RIC8B: variants seen among roughly 807,000 people sequenced by gnomAD.
RIC8B encodes chaperone Ric-8B.
A neutral mutation model predicts 57.5 loss-of-function variants in RIC8B; 16 were observed. That is an observed-to-expected ratio of 0.28 (90% confidence interval 0.19 to 0.42). RIC8B has a LOEUF of 0.42. Among genes scored for constraint, RIC8B ranks in the 10% least tolerant of loss-of-function variants. RIC8B has a pLI of 1.00. For missense variants in RIC8B, 481 were observed against 677.0 expected (o/e 0.71, Z 3.21); for synonymous variants, 216 against 250.8 (o/e 0.86, Z 1.31).
At chr12:106,789,663 A>C (rs2044183978) in intron 2 of RIC8B, among the ~76,000 whole-genome samples, 1 of 152,090 alleles carries the variant, frequency 6.6e-6, no homozygotes, top group Non-Finnish European at 1.5e-5. Context: ...GATTCAAATT[A>C]TCTCTCAGCA....
chr12:106,814,843 C>T lies in RIC8B; in HGVS notation c.280C>T (p.Arg94Ter), dbSNP rs1010192033. The T allele has an allele frequency of 1.9e-6, 3 of 1,614,030 alleles. No homozygotes were observed. The highest frequency in any genetic ancestry group is 2.5e-6 in the Non-Finnish European group (3 of 1,180,002). Residue 94 changes from arginine to a stop codon, truncating the protein, a stop_gained, in exon 3 of 10, where the codon CGA becomes TGA. Transcript: ENST00000392837. LOFTEE classifies it high-confidence loss of function. Reference protein sequence around the residue: ...TTKENMQILLRLAKLNELDDS... With the variant: ...TTKENMQILL ...TAAGGAAAATATGCAGATACTGCTG[C>T]GACTAGCCAAGCTAAATGAGTTAGA...
At chr12:106,861,417 G>C (rs1265925528) in intron 8 of RIC8B, among the ~76,000 whole-genome samples, 1 of 152,064 alleles carries the variant, frequency 6.6e-6, no homozygotes, top group Admixed American at 6.6e-5. Flanking sequence ...TTCCCAATTA[G>C]ACAGGACATA....
intron 6 of RIC8B, among the ~76,000 whole-genome samples, chr12:106,850,923 C>T (rs1949442764): frequency 6.6e-6 from 1 of 151,986 alleles, no homozygotes; most frequent in African/African-American, 2.4e-5. Flanking sequence ...ATTAAGGATG[C>T]TTAATCCAGA....
In RIC8B at chr12:106,889,202, T is replaced by A. The variant is rs1951308415; in HGVS notation, c.*3187T>A. ...CCTTCCTGTATTTTTTCTATGCATA[T>A]ATAATTTATTTTACTACAAGATTGG... On this transcript the variant is annotated 3_prime_UTR_variant, in exon 10 of 10. Transcript: ENST00000392837. 1 of 152,222 alleles carries A rather than the reference T, an allele frequency of 6.6e-6. No homozygotes were observed. The highest frequency in any genetic ancestry group is 6.5e-5 in the Admixed American group (1 of 15,284). The allele number at this position is 152,222 out of a possible 1,614,324, so 9.4% of individuals were successfully genotyped here.
chr12:106,838,757 G>A (rs1214462309), intron 4 of RIC8B, among the ~76,000 whole-genome samples: 1 of 151,676 alleles, frequency 6.6e-6, no homozygotes, highest in African/African-American at 2.4e-5. Context: ...TAAGAAATGG[G>A]AGAAAGTATT....
Position 106,882,437 on chromosome 12 carries a change from A to T in RIC8B, c.1572-3467A>T, listed in dbSNP as rs906732710. 1.7e-4 allele frequency among the ~76,000 whole-genome samples: 26 copies of T among 152,130 alleles called. 1 individual carries two copies. The highest frequency in any genetic ancestry group is 1.7e-3 in the Admixed American group (26 of 15,272). On this transcript the variant is annotated intron_variant, in intron 9 of 9. Transcript: ENST00000392837. Reference sequence around the variant, plus strand: ...TTTTCACTATACCACAATAACAACGAATATTTGTTCTGTACAATTCACAAC... The same window carrying T: ...TTTTCACTATACCACAATAACAACGTATATTTGTTCTGTACAATTCACAAC...
intron 4 of RIC8B, among the ~76,000 whole-genome samples, chr12:106,836,546 T>C (rs757917997): frequency 6.0e-4 from 92 of 152,238 alleles, no homozygotes; most frequent in Non-Finnish European, 9.7e-4. Flanking sequence ...TTGCTAAGGC[T>C]AGAACTTTAG....
chr12:106,820,424 A>G (rs2045786358), intron 3 of RIC8B, among the ~76,000 whole-genome samples: 1 of 152,196 alleles, frequency 6.6e-6, no homozygotes, highest in South Asian at 2.1e-4. Context: ...CAATTGATTT[A>G]TTTAGCAGGA....
chr12:106,878,824 TC>T (rs34359253), intron 9 of RIC8B, among the ~76,000 whole-genome samples: 104 of 150,228 alleles, frequency 6.9e-4, no homozygotes, highest in Admixed American at 2.3e-3. Context: ...TGCCTCATGT[TC>T]CCCCCCCCTT....
At chr12:106,853,453 C>CTTTTTTTTTATTTTT (rs1949565774) in intron 7 of RIC8B, among the ~76,000 whole-genome samples, 1 of 38,022 alleles carries the variant, frequency 2.6e-5, no homozygotes, top group Non-Finnish European at 4.3e-5. Context: ...GCTTTATAGT[C>CTTTTTTTTTATTTTT]TTTTTTTTTT....
chr12:106,825,380 C>T (rs534146664), intron 3 of RIC8B, among the ~76,000 whole-genome samples: 1 of 152,134 alleles, frequency 6.6e-6, no homozygotes, highest in Non-Finnish European at 1.5e-5. Context: ...AACCTGGTAA[C>T]ATCACATCTG....
chr12:106,851,742 T>G (rs772510784), intron 7 of RIC8B, 148 bp downstream of exon 7: 38 of 665,926 alleles, frequency 5.7e-5, no homozygotes, highest in Non-Finnish European at 9.3e-5. Flanking sequence ...TTAATAAAAA[T>G]TAATAGCCAA....
At chr12:106,807,678 A>G (rs1223685840) in intron 2 of RIC8B, among the ~76,000 whole-genome samples, 1 of 152,248 alleles carries the variant, frequency 6.6e-6, no homozygotes, top group East Asian at 1.9e-4. Flanking sequence ...AGAAAAGGAC[A>G]GTGAGTTTTG....
intron 6 of RIC8B, among the ~76,000 whole-genome samples, chr12:106,850,321 A>T (rs1949410745): frequency 6.6e-6 from 1 of 152,240 alleles, no homozygotes. Context: ...ATAAAACTGG[A>T]TTAGATCACA....
chr12:106,816,179 A>G (rs1390912171), intron 3 of RIC8B, among the ~76,000 whole-genome samples: 1 of 151,942 alleles, frequency 6.6e-6, no homozygotes, highest in African/African-American at 2.4e-5. Flanking sequence ...AAAGAAAGAG[A>G]TTTTTGGTTC....
intron 9 of RIC8B, among the ~76,000 whole-genome samples, chr12:106,874,742 A>G (rs1950590340): frequency 6.6e-6 from 1 of 152,204 alleles, no homozygotes; most frequent in Non-Finnish European, 1.5e-5. Flanking sequence ...TCTCAACTAG[A>G]TTTCCAAAGA....
chr12:106,885,877 T>TCC (rs1566192697), intron 9 of RIC8B, 27 bp from the exon 10 acceptor site: 1 of 1,478,344 alleles, frequency 6.8e-7, no homozygotes, highest in East Asian at 2.3e-5. Flanking sequence ...ATACTTTTTT[T>TCC]TCTCTCTCTT....
At chr12:106,812,428 C>T (rs2045374164) in intron 2 of RIC8B, among the ~76,000 whole-genome samples, 1 of 150,732 alleles carries the variant, frequency 6.6e-6, no homozygotes, top group African/African-American at 2.4e-5. Flanking sequence ...AGAAAGGTAC[C>T]ATATTGCCTA....
intron 2 of RIC8B, among the ~76,000 whole-genome samples, chr12:106,806,681 T>C (rs574309253): frequency 2.2e-4 from 34 of 151,992 alleles, no homozygotes; most frequent in Non-Finnish European, 3.7e-4. Flanking sequence ...AATACAAAAA[T>C]TAGCTGGGCC....
Sources: gnomAD v4.1 joint callset for allele counts (sites outside exome capture counted in the v4.1 genomes callset) on GRCh38, gnomAD v4.1.1 for gene constraint, MANE v1.5 for transcripts, NCBI Gene and HGNC (gene_info 2026-07-23, HGNC 2026-07-21) for gene names.